The following ADAR variants were observed in gnomAD, a reference collection of about 807,000 sequenced individuals.
ADAR encodes adenosine deaminase RNA specific.
ADAR carries 41 observed loss-of-function variants against 113.2 expected under a neutral mutation model. The ratio of observed to expected loss-of-function variants is 0.36; its 90% CI spans 0.28 to 0.47. The LOEUF is 0.47. Among genes scored for constraint, ADAR ranks in the 20% least tolerant of loss-of-function variants. The pLI is 1.00. For synonymous variants in ADAR, 605 were observed against 572.6 expected (o/e 1.06, Z -0.81); for missense variants, 1,242 against 1,540.9 (o/e 0.81, Z 3.25).
intron 2 of ADAR, among the ~76,000 whole-genome samples, chr1:154,599,246 A>C (rs1697709153): frequency 6.6e-6 from 1 of 152,360 alleles, no homozygotes; most frequent in South Asian, 2.1e-4. Context: ...CCTTTGTTCA[A>C]GCTTTCAAAT....
rs780722178 is a variant in ADAR at position 154,588,548 on chromosome 1, G to A, written c.2885+3C>T. 1.9e-6 allele frequency: 3 copies of A among 1,613,692 alleles called. No homozygotes were observed. In the African/African-American group the frequency reaches 4.0e-5, roughly 22 times the overall value. Reference sequence around the variant, plus strand: ...CCCTGGCAGCAACAGGAACTGTACAGACCTGATATACAGATGGAATGACAC... The same window carrying A: ...CCCTGGCAGCAACAGGAACTGTACAAACCTGATATACAGATGGAATGACAC... On this transcript the variant is annotated splice_donor_region_variant and intron_variant, in intron 10 of 14. Transcript: ENST00000368474.
chr1:154,596,718 C>T, intron 6 of ADAR, 87 bp downstream of exon 6: 1 of 1,518,794 alleles, frequency 6.6e-7, no homozygotes, highest in South Asian at 1.1e-5. Flanking sequence ...TTCTGTCCTA[C>T]ACAGCTAAAG....
Position 154,608,162 on chromosome 1 carries a change from G to T in ADAR, c.-156C>A, listed in dbSNP as rs971310784. 6.6e-6 allele frequency: 6 copies of T among 912,096 alleles called. No individual in the cohort carries two copies. Among genetic ancestry groups the T allele is most frequent in the Non-Finnish European group, 9.3e-6 (6 of 643,976 alleles). 56.5% of individuals were successfully genotyped at this position (912,096 alleles called of 1,614,324 possible). On this transcript the variant is annotated 5_prime_UTR_variant, in exon 1 of 15. Transcript: ENST00000368474. Reference sequence around the variant, plus strand: ...CACGGGAAACTCCGCGGGTCTGCGCGCCGGGCCCAAGATGGCTCCGGTTCA... The same window carrying T: ...CACGGGAAACTCCGCGGGTCTGCGCTCCGGGCCCAAGATGGCTCCGGTTCA...
chr1:154,595,068 C>G (rs1697406318), intron 6 of ADAR, among the ~76,000 whole-genome samples: 1 of 152,142 alleles, frequency 6.6e-6, no homozygotes, highest in African/African-American at 2.4e-5. Flanking sequence ...GCTCTGTAAC[C>G]TGTTAGGAAC....
intron 1 of ADAR, among the ~76,000 whole-genome samples, chr1:154,626,897 G>C (rs1056308588): frequency 6.6e-6 from 1 of 152,152 alleles, no homozygotes; most frequent in Non-Finnish European, 1.5e-5. Context: ...TAAAAGGATG[G>C]GAACAAGGCT....
At chr1:154,614,205 G>A (rs916589832) in intron 1 of ADAR, among the ~76,000 whole-genome samples, 1 of 152,130 alleles carries the variant, frequency 6.6e-6, no homozygotes, top group Non-Finnish European at 1.5e-5. Flanking sequence ...ACTACCCCAC[G>A]GGGTGACCCT....
At chr1:154,609,608 G>A (rs1698412875), upstream of ADAR, among the ~76,000 whole-genome samples, 1 of 152,170 alleles carries the variant, frequency 6.6e-6, no homozygotes, top group Non-Finnish European at 1.5e-5. Context: ...CTTCCCCACA[G>A]CAGGTAGGGG....
At chr1:154,594,700 G>A (rs1697383302) in intron 6 of ADAR, among the ~76,000 whole-genome samples, 1 of 152,142 alleles carries the variant, frequency 6.6e-6, no homozygotes, top group Admixed American at 6.6e-5. Context: ...TTTCTGGAGG[G>A]TAAGTGCAGG....
chr1:154,601,350 C>A lies in ADAR; in HGVS notation c.1292G>T (p.Arg431Ile). ...NRQEARPEPA[R>I]LKPPVHYNGP... ...ATTGTAATGAACAGGTGGTTTCAGT[C>A]TTGCTGGTTCTGGTCTGGCCTCTTG... The change falls in exon 2 of 15, where the codon AGA (arginine) becomes ATA (isoleucine). Residue 431 changes from arginine (R) to isoleucine (I), a missense_variant. Arg to Ile is a moderately conservative substitution (Grantham distance 97). Around this residue, in one of 2 missense-constraint regions of ADAR, gnomAD observed 780 missense variants for 1,057.9 expected, o/e 0.74. Coordinates refer to ENST00000368474, the MANE Select transcript of ADAR (RefSeq NM_001111.5). The surrounding 1 kb of genome is among the most constrained non-coding windows in gnomAD (Gnocchi z 4.7). 6.2e-7 allele frequency: 1 copy of A among 1,614,242 alleles called. No individual in the cohort carries two copies. Among genetic ancestry groups the A allele is most frequent in the Non-Finnish European group, 8.5e-7 (1 of 1,180,046 alleles).
At chr1:154,606,637 C>A (rs929290162) in intron 1 of ADAR, among the ~76,000 whole-genome samples, 5 of 152,030 alleles carry the variant, frequency 3.3e-5, no homozygotes, top group Non-Finnish European at 7.4e-5. Context: ...ACCAAGCCAC[C>A]GTTGAGTACA....
At chr1:154,627,894 A>C (rs1183408576) in exon 1 of ADAR, 1 of 518,096 alleles carries the variant, frequency 1.9e-6, no homozygotes. Flanking sequence ...GGACACCCGG[A>C]GACTGCCAGT....
chr1:154,589,296 C>T (rs1696967727), intron 9 of ADAR, 73 bp downstream of exon 9: 5 of 1,216,202 alleles, frequency 4.1e-6, no homozygotes, highest in Non-Finnish European at 6.1e-6. Context: ...GAGGCCGTGT[C>T]AGAGCCATGT....
Position 154,601,274 on chromosome 1 carries a change from T to G in ADAR, c.1368A>C (p.Thr456=). 1 of 1,614,264 alleles carries G rather than the reference T, an allele frequency of 6.2e-7. No homozygotes were observed. The highest frequency in any genetic ancestry group is 8.5e-7 in the Non-Finnish European group (1 of 1,180,052). ...YVDFENGQWA[T]DDIPDDLNSI... ...TATTCAAGTCATCTGGGATGTCATC[T>G]GTGGCCCACTGGCCATTTTCAAAGT... Residue 456 remains threonine (T), a synonymous_variant, in exon 2 of 15, where the codon ACA becomes ACC. Coordinates refer to ENST00000368474, the MANE Select transcript of ADAR (RefSeq NM_001111.5). This position sits in a 1 kb window ranked among gnomAD's most constrained non-coding sequence, Gnocchi z 4.7.
chr1:154,596,736 T>C, intron 6 of ADAR, 69 bp downstream of exon 6: 1 of 1,580,462 alleles, frequency 6.3e-7, no homozygotes, highest in Non-Finnish European at 8.7e-7. Context: ...AAGCACACCC[T>C]TGTTTTCCCT....
upstream of ADAR, chr1:154,608,308 G>GCATGAGAA (rs971027908): frequency 1.3e-5 from 6 of 466,774 alleles, no homozygotes; most frequent in African/African-American, 1.3e-4. Context: ...CCCCTCCGCT[G>GCATGAGAA]CATGAGAACT....
chr1:154,606,665 G>A (rs775777479), intron 1 of ADAR, among the ~76,000 whole-genome samples: 1 of 152,032 alleles, frequency 6.6e-6, no homozygotes, highest in South Asian at 2.1e-4. Context: ...GGAAAGCTAC[G>A]GAATAGGAGA....
At chr1:154,590,758 C>T (rs962270633) in intron 6 of ADAR, among the ~76,000 whole-genome samples, 1 of 150,042 alleles carries the variant, frequency 6.7e-6, no homozygotes, top group Admixed American at 6.7e-5. Flanking sequence ...AGTAATCCCC[C>T]AGGCAACATA....
intron 4 of ADAR, 110 bp downstream of exon 4, chr1:154,597,718 G>A: frequency 6.9e-7 from 1 of 1,449,050 alleles, no homozygotes; most frequent in Non-Finnish European, 9.6e-7. Flanking sequence ...TCCCCATTTT[G>A]AAACAGGAGA....
At chr1:154,607,473 G>A (rs1200445890) in intron 1 of ADAR, among the ~76,000 whole-genome samples, 5 of 152,102 alleles carry the variant, frequency 3.3e-5, no homozygotes, top group Non-Finnish European at 7.3e-5. Flanking sequence ...AAGGTGAGCT[G>A]AGGATAGTGT....
Sources: allele counts gnomAD v4.1 joint callset (sites outside exome capture counted in the v4.1 genomes callset), GRCh38; gene constraint gnomAD v4.1.1; regional missense constraint gnomAD v4.1.1; non-coding constraint Gnocchi (gnomAD v3.1); transcripts MANE v1.5; gene names NCBI Gene and HGNC (gene_info 2026-07-23, HGNC 2026-07-21).